Variants in ADGRG2 observed in about 807,000 individuals in gnomAD.
ADGRG2 encodes the protein adhesion G protein-coupled receptor G2.
Under a neutral mutation model 74.1 loss-of-function variants are expected in ADGRG2, and 26 were observed. The observed-to-expected ratio is 0.35, with a 90% CI of 0.26 to 0.49. ADGRG2 has a LOEUF of 0.49. ADGRG2 is among the 20% of genes least tolerant of loss of function. The probability of loss-of-function intolerance (pLI) is 0.99; values close to 1 mark genes in which losing one functional copy is unlikely to be tolerated. For synonymous variants in ADGRG2, 296 were observed against 295.2 expected (o/e 1.00, Z -0.03); for missense variants, 619 against 763.1 (o/e 0.81, Z 2.22).
At chrX:19,027,024 G>T (rs41305179) in intron 11 of ADGRG2, among the ~76,000 whole-genome samples, 195 bp downstream of exon 11, 3 of 111,934 alleles carry the variant, frequency 2.7e-5, no homozygotes, top group Non-Finnish European at 5.6e-5. Flanking sequence ...TATAACTTCA[G>T]CGCATCAAAG....
At chrX:19,087,960 G>T (rs1285925185) in intron 1 of ADGRG2, among the ~76,000 whole-genome samples, 2 of 110,663 alleles carry the variant, frequency 1.8e-5, no homozygotes, top group Admixed American at 9.7e-5. Flanking sequence ...GGTCACCTCT[G>T]CCCAGAGCTG....
At chrX:19,099,338 C>T (rs73447630) in intron 1 of ADGRG2, among the ~76,000 whole-genome samples, 4,332 of 112,231 alleles carry the variant, frequency 0.039, 198 homozygotes, top group African/African-American at 0.13. Context: ...ATCTCTGCAA[C>T]GACCCTGGTT....
chrX:19,117,097 CTGGCCAAGAT>C (rs1183889326), intron 1 of ADGRG2, among the ~76,000 whole-genome samples: 1 of 110,178 alleles, frequency 9.1e-6, no homozygotes, highest in Non-Finnish European at 1.9e-5. Flanking sequence ...CAAGACCAAC[CTGGCCAAGAT>C]GGTGAAACCT....
At chrX:19,084,709 C>G (rs1296430022) in intron 1 of ADGRG2, among the ~76,000 whole-genome samples, 3 of 112,054 alleles carry the variant, frequency 2.7e-5, no homozygotes, top group Non-Finnish European at 5.6e-5. Flanking sequence ...TTTCCCAACC[C>G]AAGCACACTA....
chrX:19,069,718 G>A (rs145365215), intron 2 of ADGRG2, among the ~76,000 whole-genome samples: 1,341 of 110,889 alleles, frequency 0.012, 24 homozygotes, highest in African/African-American at 0.042. Flanking sequence ...GAGTTCAGCC[G>A]CAGATGGCCG....
At chrX:19,013,400 A>G (rs185520445) in intron 16 of ADGRG2, among the ~76,000 whole-genome samples, 15 of 112,190 alleles carry the variant, frequency 1.3e-4, no homozygotes, top group African/African-American at 3.9e-4. Context: ...AGCCACAGCC[A>G]AGAAGCAAAG....
chrX:19,093,938 C>CAA (rs201404102), intron 1 of ADGRG2, among the ~76,000 whole-genome samples: 64 of 107,230 alleles, frequency 6.0e-4, no homozygotes, highest in African/African-American at 2.3e-3. Flanking sequence ...CACACACACA[C>CAA]CCCATGGAAT....
intron 3 of ADGRG2, among the ~76,000 whole-genome samples, chrX:19,054,845 G>A (rs1286518002): frequency 5.4e-5 from 6 of 111,785 alleles, no homozygotes; most frequent in Non-Finnish European, 1.1e-4. Flanking sequence ...CACATAGGTT[G>A]GCAATGATCA....
At chrX:19,042,705 A>G (rs1008021575) in intron 3 of ADGRG2, among the ~76,000 whole-genome samples, 4 of 111,484 alleles carry the variant, frequency 3.6e-5, no homozygotes, top group African/African-American at 1.3e-4. Context: ...CAAAATGTAG[A>G]TAAGGCTGGG....
At chrX:19,086,323 G>A (rs1007534193) in intron 1 of ADGRG2, among the ~76,000 whole-genome samples, 3 of 111,135 alleles carry the variant, frequency 2.7e-5, no homozygotes, top group African/African-American at 9.8e-5. Flanking sequence ...GAGAAATTTC[G>A]CAGAGAAGAA....
rs766029787 is a variant in ADGRG2 at position 19,010,491 on chromosome X, C to T, written c.1265+122G>A. The T allele has an allele frequency of 1.0e-5, 6 of 589,968 alleles. No individual in the cohort carries two copies. In the South Asian group the frequency reaches 1.2e-4, roughly 12 times the overall value. The allele number at this position is 589,968 out of a possible 1,213,427, so 48.6% of individuals were successfully genotyped here. The stretch of plus-strand genomic sequence containing the variant: ...TCTAAGCAGAATATAGAGTAGCAAC[C>T]TGAGAAACCATGATGTACCTGGTAC... On this transcript the variant is annotated intron_variant, in intron 17 of 28. Transcript: ENST00000379869.
chrX:19,038,581 C>G (rs904025331), intron 4 of ADGRG2, among the ~76,000 whole-genome samples: 3 of 112,314 alleles, frequency 2.7e-5, no homozygotes, highest in Non-Finnish European at 5.6e-5. Context: ...TGGGGCAGAA[C>G]AAAATAATTG....
chrX:19,068,682 G>GAAA (rs748564455), intron 3 of ADGRG2, 35 bp downstream of exon 3: 4 of 507,516 alleles, frequency 7.9e-6, no homozygotes, highest in Non-Finnish European at 9.1e-6. Flanking sequence ...CAGATAAACA[G>GAAA]AAAAAAAAAA....
At chrX:18,993,161 G>A (rs1404762912) in intron 28 of ADGRG2, among the ~76,000 whole-genome samples, 1 of 111,545 alleles carries the variant, frequency 9.0e-6, no homozygotes, top group East Asian at 2.8e-4. Context: ...CTCAACTGGG[G>A]GCAATCTTGC....
At chrX:19,004,902 T>C (rs1163445142) in intron 22 of ADGRG2, 23 bp from the exon 23 acceptor site, 1 of 1,115,529 alleles carries the variant, frequency 9.0e-7, no homozygotes, top group South Asian at 2.0e-5. Flanking sequence ...ATATTGCTTT[T>C]AATAATCAAA....
At chrX:19,037,800 A>C (rs180992160) in intron 4 of ADGRG2, among the ~76,000 whole-genome samples, 164 bp from the exon 5 acceptor site, 1 of 112,057 alleles carries the variant, frequency 8.9e-6, no homozygotes, top group African/African-American at 3.2e-5. Context: ...GTGAGTATAA[A>C]ATTTAATCAG....
chrX:19,052,653 T>G (rs1703855998), intron 3 of ADGRG2, among the ~76,000 whole-genome samples: 1 of 109,244 alleles, frequency 9.2e-6, no homozygotes, highest in African/African-American at 3.3e-5. Flanking sequence ...TTTATATATA[T>G]ATACATATGT....
intron 9 of ADGRG2, among the ~76,000 whole-genome samples, chrX:19,029,239 A>C (rs1462281444): frequency 8.9e-6 from 1 of 111,970 alleles, no homozygotes; most frequent in African/African-American, 3.2e-5. Context: ...ACAGTATGTA[A>C]TTATTAAAAG....
intron 15 of ADGRG2, among the ~76,000 whole-genome samples, chrX:19,015,587 C>T (rs755817567): frequency 6.2e-5 from 7 of 112,193 alleles, no homozygotes; most frequent in Admixed American, 2.8e-4. Context: ...GGCGTGGTGG[C>T]GGGTGCCTAT....
Sources: allele counts gnomAD v4.1 joint callset (sites outside exome capture counted in the v4.1 genomes callset), GRCh38; gene constraint gnomAD v4.1.1; transcripts MANE v1.5; gene names NCBI Gene and HGNC (gene_info 2026-07-23, HGNC 2026-07-21).